NDEL1: variants seen among roughly 807,000 people sequenced by gnomAD.
The protein encoded by NDEL1 is nuclear distribution protein nudE-like 1.
A neutral mutation model predicts 45.7 loss-of-function variants in NDEL1; 9 were observed. The ratio of observed to expected loss-of-function variants is 0.20; its 90% confidence interval spans 0.12 to 0.34. The LOEUF is 0.34. NDEL1 is among the 10% of genes least tolerant of loss of function. The pLI, the probability that NDEL1 is intolerant of heterozygous loss-of-function variation, is 1.00. For missense variants in NDEL1, 306 were observed against 406.2 expected (o/e 0.75, Z 2.12); for synonymous variants, 133 against 158.6 (o/e 0.84, Z 1.21).
At chr17:8,463,879 A>G (rs1413858753) in intron 8 of NDEL1, among the ~76,000 whole-genome samples, 1 of 152,230 alleles carries the variant, frequency 6.6e-6, no homozygotes, top group East Asian at 1.9e-4. Context: ...CAGTTTGCAG[A>G]GCCTGGGCTG....
At chr17:8,456,058 C>T (rs922992207) in intron 7 of NDEL1, among the ~76,000 whole-genome samples, 1 of 152,196 alleles carries the variant, frequency 6.6e-6, no homozygotes, top group African/African-American at 2.4e-5. Context: ...TGCCATTTCC[C>T]ACTATCTACT....
intron 7 of NDEL1, among the ~76,000 whole-genome samples, chr17:8,456,103 T>TA (rs1474596234): frequency 6.6e-6 from 1 of 152,242 alleles, no homozygotes; most frequent in Non-Finnish European, 1.5e-5. Context: ...TGACACTTTC[T>TA]AAAAAATGTA....
rs773436856 is a variant in NDEL1 at position 8,448,727 on chromosome 17, A to G, written c.526+41A>G. 22 of 1,564,698 alleles carry G rather than the reference A, an allele frequency of 1.4e-5. No individual in the cohort carries two copies. In the African/African-American group the frequency reaches 3.0e-4, roughly 21 times the overall value. On this transcript the variant is annotated intron_variant, in intron 5 of 8. Coordinates refer to ENST00000334527, the MANE Select transcript of NDEL1 (RefSeq NM_030808.5). Reference sequence around the variant, plus strand: ...TAAAGAATACAGTTGACCCTTGAACAACATGGGTTTGAATTGTGTGGGCCC... The same window carrying G: ...TAAAGAATACAGTTGACCCTTGAACGACATGGGTTTGAATTGTGTGGGCCC...
chr17:8,447,124 T>C (rs1369698549), intron 4 of NDEL1, among the ~76,000 whole-genome samples: 1 of 152,160 alleles, frequency 6.6e-6, no homozygotes, highest in African/African-American at 2.4e-5. Context: ...TTCTTTCATA[T>C]ACTGTGGTTG....
At chr17:8,471,334 C>G (rs1302941781), downstream of NDEL1, among the ~76,000 whole-genome samples, 1 of 152,174 alleles carries the variant, frequency 6.6e-6, no homozygotes, top group East Asian at 1.9e-4. Flanking sequence ...ATTTCCCATT[C>G]TGTAAATTTT....
chr17:8,419,761 A>G (rs986027226), intron 1 of NDEL1, among the ~76,000 whole-genome samples: 1 of 152,168 alleles, frequency 6.6e-6, no homozygotes, highest in Non-Finnish European at 1.5e-5. Context: ...ATACAGACTC[A>G]TAGAGATTTT....
intron 1 of NDEL1, among the ~76,000 whole-genome samples, chr17:8,416,208 C>A (rs193183614): frequency 1.3e-5 from 2 of 152,310 alleles, no homozygotes; most frequent in East Asian, 3.9e-4. Flanking sequence ...CCTCCCAGGC[C>A]CTGGCAACCA....
At chr17:8,470,989 C>T (rs1288484095), downstream of NDEL1, among the ~76,000 whole-genome samples, 7 of 152,308 alleles carry the variant, frequency 4.6e-5, no homozygotes, top group South Asian at 2.1e-4. This position sits in a 1 kb window ranked among gnomAD's most constrained non-coding sequence, Gnocchi z 4.2. Flanking sequence ...GGTGGAGCCA[C>T]GGCTTTAGGG....
chr17:8,469,743 G>A (rs1329302529), downstream of NDEL1, among the ~76,000 whole-genome samples: 12 of 146,712 alleles, frequency 8.2e-5, no homozygotes, highest in East Asian at 6.0e-4. Flanking sequence ...TCGCTCTGTC[G>A]CCCAGGCTGG....
chr17:8,444,620 T>G, intron 2 of NDEL1: 1 of 318,326 alleles, frequency 3.1e-6, no homozygotes, highest in South Asian at 3.8e-5. Flanking sequence ...TCTATGCTTT[T>G]TAGTAGGCGG....
chr17:8,463,438 ACT>A, intron 8 of NDEL1: 1 of 1,354,258 alleles, frequency 7.4e-7, no homozygotes, highest in East Asian at 2.3e-5. Flanking sequence ...ATCTGGTTTT[ACT>A]AACTGCATGG....
intron 1 of NDEL1, among the ~76,000 whole-genome samples, chr17:8,420,625 C>A (rs1908685770): frequency 6.6e-6 from 1 of 152,236 alleles, no homozygotes; most frequent in Non-Finnish European, 1.5e-5. Context: ...AAACAGGCTG[C>A]TGTTTAACAC....
chr17:8,467,289 C>A lies in NDEL1; in HGVS notation c.*266C>A, dbSNP rs1362928580. ...TTTGTGGGTCGCAAGGTGATACATACGTGTATTACTTGGTCACTGGATGCA... is the reference window on the plus strand; with the variant it reads ...TTTGTGGGTCGCAAGGTGATACATAAGTGTATTACTTGGTCACTGGATGCA... On this transcript the variant is annotated 3_prime_UTR_variant, in exon 9 of 9. Transcript: ENST00000334527. This position sits in a 1 kb window ranked among gnomAD's most constrained non-coding sequence, Gnocchi z 6.3. The A allele has an allele frequency of 3.5e-6, 2 of 570,076 alleles. No homozygotes were observed. Among genetic ancestry groups the A allele is most frequent in the East Asian group, 3.0e-5 (1 of 33,814 alleles). 35.3% of individuals were successfully genotyped at this position (570,076 alleles called of 1,614,324 possible).
At position 8,415,154 on chromosome 17, in the gene NDEL1, GTCTCCCTC is replaced by G. The variant is rs1277580120; in HGVS notation, c.-13+1898_-13+1905del. Among the ~76,000 whole-genome samples, 12 of 128,908 alleles carry G rather than the reference GTCTCCCTC, an allele frequency of 9.3e-5. No individual in the cohort carries two copies. In the Admixed American group the frequency reaches 9.7e-4, roughly 10 times the overall value. The allele number at this position is 128,908 out of a possible 152,430, so 84.6% of individuals were successfully genotyped here. A position where few individuals can be genotyped will look rare whatever the true frequency, so the allele number is the denominator to read the frequency against. On this transcript the variant is annotated intron_variant, in intron 1 of 4. Transcript: ENST00000582812. ...GCCTCTTCTCTCTTTCTGTCTCTCT[GTCTCCCTC>G]TCTCCCTCTCTCTTTCTCTCTTTCT...
chr17:8,450,814 A>G lies in NDEL1; in HGVS notation c.561A>G (p.Gln187=), dbSNP rs1012615708. 6.2e-7 allele frequency: 1 copy of G among 1,612,236 alleles called. No homozygotes were observed. Among genetic ancestry groups the G allele is most frequent in the East Asian group, 2.2e-5 (1 of 44,724 alleles). ...LRQELAVRER[Q]QEVTRKSAPS... Reference sequence around the variant, plus strand: ...AAGAACTAGCAGTTCGGGAAAGACAACAGGAAGTAACTAGAAAGTCGGCTC... The same window carrying G: ...AAGAACTAGCAGTTCGGGAAAGACAGCAGGAAGTAACTAGAAAGTCGGCTC... Residue 187 remains glutamine (Q), a synonymous_variant, in exon 6 of 9, where the codon CAA becomes CAG. Transcript: ENST00000334527.
chr17:8,473,324 C>G (rs1739370199), intron 3 of NDEL1, among the ~76,000 whole-genome samples: 1 of 152,006 alleles, frequency 6.6e-6, no homozygotes, highest in South Asian at 2.1e-4. Flanking sequence ...GTAGCTGGGA[C>G]TACAGGTGTG....
At chr17:8,472,658 G>C (rs546775217), downstream of NDEL1, among the ~76,000 whole-genome samples, 189 of 151,826 alleles carry the variant, frequency 1.2e-3, 2 homozygotes, top group African/African-American at 4.1e-3. Context: ...GCGCGACTCT[G>C]TCTCGGGAAA....
At chr17:8,445,220 A>G (rs1910004030) in intron 2 of NDEL1, among the ~76,000 whole-genome samples, 1 of 152,236 alleles carries the variant, frequency 6.6e-6, no homozygotes, top group Non-Finnish European at 1.5e-5. Flanking sequence ...TGGCATAGTA[A>G]CATGTACTTC....
At chr17:8,434,931 G>C (rs970620684), upstream of NDEL1, among the ~76,000 whole-genome samples, 1 of 152,052 alleles carries the variant, frequency 6.6e-6, no homozygotes, top group Non-Finnish European at 1.5e-5. Flanking sequence ...TTAGTCGGGC[G>C]TGGTGGCAGG....
Sources: gnomAD v4.1 joint callset for allele counts (sites outside exome capture counted in the v4.1 genomes callset) on GRCh38, gnomAD v4.1.1 for gene constraint, Gnocchi (gnomAD v3.1) non-coding constraint, MANE v1.5 for transcripts, NCBI Gene and HGNC (gene_info 2026-07-23, HGNC 2026-07-21) for gene names.